The following YES1 variants were observed in gnomAD, a reference collection of about 807,000 sequenced individuals.
YES1 encodes YES proto-oncogene 1, Src family tyrosine kinase.
In YES1, 39 loss-of-function variants were observed where a neutral mutation model predicts 70.4. The ratio of observed to expected loss-of-function variants is 0.55; its 90% CI spans 0.43 to 0.72. YES1 has a LOEUF of 0.72. YES1 is among the 30% of genes least tolerant of loss of function. YES1 has a pLI of 0.00. For missense variants in YES1, 495 were observed against 644.8 expected, an observed-to-expected ratio of 0.77 and a Z score of 2.52; for synonymous variants, 198 against 218.6, an observed-to-expected ratio of 0.91 and a Z score of 0.83.
chr18:793,421 C>T (rs569847198), intron 1 of YES1, among the ~76,000 whole-genome samples: 1 of 152,226 alleles, frequency 6.6e-6, no homozygotes, highest in South Asian at 2.1e-4. Context: ...ACTACAGCTT[C>T]GAACTCCTGG....
chr18:792,369 A>G (rs934382545), intron 1 of YES1, among the ~76,000 whole-genome samples: 1 of 152,104 alleles, frequency 6.6e-6, no homozygotes, highest in East Asian at 1.9e-4. Context: ...TTAAAAAAAT[A>G]AAATAAAAAA....
intron 1 of YES1, among the ~76,000 whole-genome samples, chr18:795,912 A>AACACACACACACACACAC (rs72204539): frequency 0.014 from 2,012 of 144,638 alleles, 18 homozygotes; most frequent in Middle Eastern, 0.024. Context: ...CCAGAACTTA[A>AACACACACACACACACAC]ACACACACAC....
intron 1 of YES1, among the ~76,000 whole-genome samples, chr18:790,673 T>G (rs950768863): frequency 6.7e-4 from 102 of 152,270 alleles, no homozygotes; most frequent in African/African-American, 2.3e-3. Flanking sequence ...TTTTCAGAAC[T>G]AGATAAAATG....
chr18:775,898 A>C (rs559515965), intron 1 of YES1, among the ~76,000 whole-genome samples: 2 of 152,194 alleles, frequency 1.3e-5, no homozygotes, highest in Non-Finnish European at 2.9e-5. Flanking sequence ...ATTATCAGGA[A>C]CAGCTGTACT....
At chr18:804,915 A>AAAAAAAAAAAAAG (rs1385540743) in intron 1 of YES1, among the ~76,000 whole-genome samples, 5 of 151,372 alleles carry the variant, frequency 3.3e-5, no homozygotes, top group Non-Finnish European at 5.9e-5. Flanking sequence ...CTCTGACTCA[A>AAAAAAAAAAAAAG]AAAAAAAAAA....
intron 1 of YES1, among the ~76,000 whole-genome samples, chr18:765,232 T>C (rs2145763626): frequency 8.0e-6 from 1 of 125,722 alleles, no homozygotes; most frequent in Non-Finnish European, 1.7e-5. Flanking sequence ...TGGACAGGTT[T>C]GGGAAAGAGT....
chr18:734,473 G>A (rs1365767958), intron 10 of YES1, among the ~76,000 whole-genome samples: 1 of 150,724 alleles, frequency 6.6e-6, no homozygotes. Flanking sequence ...GCAGAATGGC[G>A]AGAACCCGGG....
intron 10 of YES1, chr18:736,199 ACAGATAGGAAGGCATTC>A (rs139514518): frequency 0.45 from 68,402 of 151,886 alleles, 15,531 homozygotes; most frequent in African/African-American, 0.52. Flanking sequence ...AACAAACATT[ACAGATAGGAAGGCATTC>A]CAGATGGAGG....
intron 10 of YES1, among the ~76,000 whole-genome samples, chr18:734,409 A>G (rs2080127932): frequency 6.6e-6 from 1 of 150,428 alleles, no homozygotes; most frequent in East Asian, 2.0e-4. Flanking sequence ...AAAAAAAAAA[A>G]TTAGCCGAGC....
chr18:788,564 C>G (rs1317392490), intron 1 of YES1, among the ~76,000 whole-genome samples: 1 of 152,070 alleles, frequency 6.6e-6, no homozygotes, highest in Non-Finnish European at 1.5e-5. Flanking sequence ...CTGTGGAAAA[C>G]TATTTTAGAA....
intron 11 of YES1, among the ~76,000 whole-genome samples, chr18:728,503 A>G (rs942507477): frequency 2.0e-5 from 3 of 152,100 alleles, no homozygotes; most frequent in Non-Finnish European, 4.4e-5. Flanking sequence ...TCAATGCTCA[A>G]AAAGTTTTGG....
chr18:754,592 T>C lies in YES1; in HGVS notation c.271+1965A>G, dbSNP rs530200397. The stretch of plus-strand genomic sequence containing the variant: ...GTGCCGTGGTGTTTGTTTCTTGTTA[T>C]CTCAGCTACTCGGGAGGCTAAGGCA... On this transcript the variant is annotated intron_variant, in intron 2 of 11. Transcript: ENST00000314574. 1.1e-4 allele frequency among the ~76,000 whole-genome samples: 17 copies of C among 152,046 alleles called. 1 individual carries two copies. Among genetic ancestry groups the C allele is most frequent in the South Asian group, 8.3e-4 (4 of 4,812 alleles).
At position 724,330 on chromosome 18, in the gene YES1, G is replaced by T; in HGVS notation, c.*94C>A. 8.2e-7 allele frequency: 1 copy of T among 1,218,194 alleles called. No homozygotes were observed. Among genetic ancestry groups the T allele is most frequent in the Non-Finnish European group, 1.1e-6 (1 of 871,778 alleles). The allele number at this position is 1,218,194 out of a possible 1,614,324, so 75.5% of individuals were successfully genotyped here. On this transcript the variant is annotated 3_prime_UTR_variant, in exon 12 of 12. Coordinates refer to ENST00000314574, the MANE Select transcript of YES1 (RefSeq NM_005433.4). ...CAGTTTACCATTAAAAACATGCAGA[G>T]TAAAGAAGATTTTCTTCTTTTGATT...
At chr18:812,257 G>C (rs1351917066), upstream of YES1, 1 of 151,724 alleles carries the variant, frequency 6.6e-6, no homozygotes, top group Non-Finnish European at 1.5e-5. Context: ...GAGCCGGCCC[G>C]GGACGCGTTA....
At chr18:746,836 C>G (rs2080286716) in intron 4 of YES1, among the ~76,000 whole-genome samples, 1 of 152,070 alleles carries the variant, frequency 6.6e-6, no homozygotes. Context: ...TACAATAAAC[C>G]CTACAACTAG....
At chr18:777,358 C>T (rs1406860956) in intron 1 of YES1, among the ~76,000 whole-genome samples, 1 of 152,156 alleles carries the variant, frequency 6.6e-6, no homozygotes, top group Non-Finnish European at 1.5e-5. Context: ...TATTCAACAA[C>T]CTGCCAGACA....
intron 1 of YES1, among the ~76,000 whole-genome samples, chr18:783,195 C>A (rs958893983): frequency 4.6e-5 from 7 of 152,040 alleles, no homozygotes; most frequent in African/African-American, 1.7e-4. Flanking sequence ...TCTGCCTGGG[C>A]AAAATAGCTA....
rs532250935 is a variant in YES1, at chr18:786,602, A to G, written c.-9+25512T>C. ...TCACCTGCTTGCCAAAATTAATACC[A>G]TATCAGTTCAGGGTGGCAATAACAA... is the stretch of plus-strand genomic sequence containing the variant. On this transcript the variant is annotated intron_variant, in intron 1 of 11. Transcript: ENST00000314574. Among the ~76,000 whole-genome samples the G allele has an allele frequency of 1.1e-4, 16 of 151,986 alleles. No homozygotes were observed. The East Asian group carries it at 1.2e-3, about 11-fold the overall frequency.
At chr18:772,633 T>C (rs1171982292) in intron 1 of YES1, among the ~76,000 whole-genome samples, 1 of 152,044 alleles carries the variant, frequency 6.6e-6, no homozygotes, top group Admixed American at 6.6e-5. Context: ...AGTTTCACCA[T>C]GTTGGTCAGG....
Sources: gnomAD v4.1 joint callset for allele counts (sites outside exome capture counted in the v4.1 genomes callset) on GRCh38, gnomAD v4.1.1 for gene constraint, MANE v1.5 for transcripts, NCBI Gene and HGNC (gene_info 2026-07-23, HGNC 2026-07-21) for gene names.